The following UGT1A8 variants were observed in gnomAD, a reference collection of about 807,000 sequenced individuals.
UGT1A8 encodes the protein UDP-glucuronosyltransferase 1A8.
Under a neutral mutation model 45.3 loss-of-function variants are expected in UGT1A8, and 39 were observed. That is an observed-to-expected ratio of 0.86 (90% CI 0.67 to 1.12). UGT1A8 has a LOEUF of 1.12. UGT1A8 is among the 50% of genes most tolerant of loss of function. UGT1A8 has a pLI of 0.00. For missense variants in UGT1A8, 719 were observed against 664.9 expected, an observed-to-expected ratio of 1.08 and a Z score of -0.90; for synonymous variants, 275 against 249.2, an observed-to-expected ratio of 1.10 and a Z score of -0.97.
chr2:233,772,462 T>C lies in UGT1A8; in HGVS notation c.1496T>C (p.Val499Ala), dbSNP rs752117935. The C allele has an allele frequency of 6.2e-7, 1 of 1,614,170 alleles. No homozygotes were observed. Among genetic ancestry groups the C allele is most frequent in the South Asian group, 1.1e-5 (1 of 91,082 alleles). ...TTCCTCTTGGCCGTCGTGCTGACAG[T>C]GGCCTTCATCACCTTTAAATGTTGT... is the stretch of plus-strand genomic sequence containing the variant. ...IGFLLAVVLTVAFITFKCCAY... is the reference protein window; with the variant it reads ...IGFLLAVVLTAAFITFKCCAY... Residue 499 changes from valine to alanine, a missense_variant, in exon 5 of 5, where the codon GTG becomes GCG. Physicochemically the swap from Val to Ala is moderately conservative, Grantham distance 64. Transcript: ENST00000373450.
At chr2:233,711,835 G>A (rs149400797) in intron 1 of UGT1A8, among the ~76,000 whole-genome samples, 51 of 152,330 alleles carry the variant, frequency 3.3e-4, no homozygotes, top group Non-Finnish European at 6.3e-4. Context: ...ACAAGGAGGC[G>A]TCAGCAATCT....
chr2:233,731,329 A>C (rs1284025044), intron 1 of UGT1A8, among the ~76,000 whole-genome samples: 2 of 150,010 alleles, frequency 1.3e-5, no homozygotes, highest in Admixed American at 6.7e-5. Context: ...GTACATGTGC[A>C]CAAATTGCAG....
intron 1 of UGT1A8, chr2:233,747,383 G>C: frequency 6.2e-7 from 1 of 1,605,558 alleles, no homozygotes; most frequent in Non-Finnish European, 8.5e-7. Context: ...GAGGCCACCA[G>C]GCGGTGGTCC....
intron 1 of UGT1A8, among the ~76,000 whole-genome samples, chr2:233,685,328 C>T (rs45629530): frequency 8.6e-5 from 13 of 152,044 alleles, no homozygotes; most frequent in Admixed American, 4.6e-4. Flanking sequence ...CCACCACACC[C>T]GGACTTAAAG....
At chr2:233,661,606 A>T (rs1330316154) in intron 1 of UGT1A8, among the ~76,000 whole-genome samples, 1 of 129,828 alleles carries the variant, frequency 7.7e-6, no homozygotes, top group Non-Finnish European at 1.7e-5. Context: ...GCATCACTGC[A>T]GTGAAGACTT....
chr2:233,750,944 CAG>C (rs1694596562), intron 1 of UGT1A8, among the ~76,000 whole-genome samples: 3 of 152,000 alleles, frequency 2.0e-5, no homozygotes, highest in Middle Eastern at 3.4e-3. Flanking sequence ...AGCCCCCACA[CAG>C]AGTCTCCACT....
intron 1 of UGT1A8, among the ~76,000 whole-genome samples, chr2:233,730,853 A>G (rs560522362): frequency 1.1e-4 from 17 of 152,196 alleles, no homozygotes; most frequent in Non-Finnish European, 2.1e-4. Context: ...ACATCACCAA[A>G]CCCACCCTAC....
chr2:233,737,830 A>T (rs1690602817), intron 1 of UGT1A8, among the ~76,000 whole-genome samples: 1 of 152,126 alleles, frequency 6.6e-6, no homozygotes, highest in South Asian at 2.1e-4. Flanking sequence ...ACAAATTGGG[A>T]ACTGTGGCAC....
At position 233,681,388 on chromosome 2, in the gene UGT1A8, G is replaced by A. The variant is rs570402394; in HGVS notation, c.855+62826G>A. On this transcript the variant is annotated intron_variant, in intron 1 of 4. Transcript: ENST00000373450. Reference sequence around the variant, plus strand: ...GTCTCCACTAAAATACAAAAAGTTAGCTGGGCATGGCAGCGTGCGCCTGTA... The same window carrying A: ...GTCTCCACTAAAATACAAAAAGTTAACTGGGCATGGCAGCGTGCGCCTGTA... Among the ~76,000 whole-genome samples the A allele has an allele frequency of 9.9e-5, 15 of 151,988 alleles. No homozygotes were observed. The Middle Eastern group carries it at 0.02, about 207-fold the overall frequency.
chr2:233,695,818 A>G (rs1184155608), intron 1 of UGT1A8, among the ~76,000 whole-genome samples: 1 of 152,200 alleles, frequency 6.6e-6, no homozygotes, highest in Non-Finnish European at 1.5e-5. Context: ...GGAAAACAAA[A>G]CCAACAAAAA....
intron 1 of UGT1A8, chr2:233,744,073 C>T (rs1340911345): frequency 3.6e-5 from 17 of 475,584 alleles, no homozygotes; most frequent in South Asian, 1.4e-4. Flanking sequence ...ATGAGCGCCT[C>T]GCATCCCAAG....
At chr2:233,695,097 G>GT (rs948360141) in intron 1 of UGT1A8, among the ~76,000 whole-genome samples, 12 of 148,828 alleles carry the variant, frequency 8.1e-5, no homozygotes, top group Admixed American at 7.3e-4. Flanking sequence ...ATCTAATGGT[G>GT]TTTTTGTGCC....
chr2:233,718,302 C>T (rs1386220798), intron 1 of UGT1A8, among the ~76,000 whole-genome samples: 2 of 152,224 alleles, frequency 1.3e-5, no homozygotes, highest in Admixed American at 6.5e-5. Flanking sequence ...CCTGAACACT[C>T]TCTGTTTAGA....
chr2:233,686,333 T>A (rs6753317), intron 1 of UGT1A8, among the ~76,000 whole-genome samples: 27,662 of 152,022 alleles, frequency 0.18, 2,740 homozygotes, highest in Non-Finnish European at 0.23. Context: ...AATGTTTTTA[T>A]ACAAAAGCTT....
At chr2:233,748,125 T>A in intron 1 of UGT1A8, 1 of 1,610,546 alleles carries the variant, frequency 6.2e-7, no homozygotes, top group Middle Eastern at 2.0e-4. Context: ...GGCAAAACAG[T>A]TTTTAAAAAT....
chr2:233,724,349 A>G (rs1243720800), intron 1 of UGT1A8, among the ~76,000 whole-genome samples: 1 of 126,480 alleles, frequency 7.9e-6, no homozygotes, highest in Admixed American at 7.8e-5. Flanking sequence ...GACCCCCCCC[A>G]CCTCCCTCCC....
At chr2:233,711,717 G>A (rs2076193718) in intron 1 of UGT1A8, among the ~76,000 whole-genome samples, 1 of 152,198 alleles carries the variant, frequency 6.6e-6, no homozygotes, top group South Asian at 2.1e-4. Flanking sequence ...GGAAGCCTCA[G>A]CTTCACCAGC....
At chr2:233,663,340 T>G (rs915191427) in intron 1 of UGT1A8, among the ~76,000 whole-genome samples, 4 of 152,188 alleles carry the variant, frequency 2.6e-5, no homozygotes, top group African/African-American at 9.6e-5. Flanking sequence ...TAAGGAATAC[T>G]TGGTGGGTTG....
At chr2:233,713,794 C>T (rs772145580) in intron 1 of UGT1A8, 12 of 1,613,912 alleles carry the variant, frequency 7.4e-6, no homozygotes, top group East Asian at 2.2e-5. Flanking sequence ...TACCCCAGGC[C>T]GATCATGCCC....
Sources: gnomAD v4.1 joint callset for allele counts (sites outside exome capture counted in the v4.1 genomes callset) on GRCh38, gnomAD v4.1.1 for gene constraint, MANE v1.5 for transcripts, NCBI Gene and HGNC (gene_info 2026-07-23, HGNC 2026-07-21) for gene names.